The following TCF12 variants were observed in gnomAD, a reference collection of about 807,000 sequenced individuals.
TCF12 encodes the protein DNA-binding protein HTF4.
In TCF12, 45 loss-of-function variants were observed where a neutral mutation model predicts 86.0. That is an observed-to-expected ratio of 0.52 (90% CI 0.41 to 0.67). The LOEUF (loss-of-function observed/expected upper bound fraction) is 0.67, where lower values mean the gene tolerates loss of function less well. Ranked by LOEUF, TCF12 falls within the 30% of genes least tolerant of loss-of-function variation. The pLI is 0.00. For synonymous variants in TCF12, 330 were observed against 299.6 expected, an observed-to-expected ratio of 1.10 and a Z score of -1.05; for missense variants, 881 against 859.9, an observed-to-expected ratio of 1.02 and a Z score of -0.31.
intron 6 of TCF12, among the ~76,000 whole-genome samples, chr15:57,170,196 A>C (rs1301011077): frequency 1.3e-5 from 2 of 152,120 alleles, no homozygotes; most frequent in East Asian, 1.9e-4. Context: ...CAGCATAGGA[A>C]TCCATCAGAT....
chr15:57,246,672 C>T (rs187445737), intron 13 of TCF12, among the ~76,000 whole-genome samples: 4 of 151,928 alleles, frequency 2.6e-5, no homozygotes, highest in African/African-American at 7.3e-5. Context: ...AAGAAAAAGA[C>T]GAAGCTACAA....
intron 5 of TCF12, among the ~76,000 whole-genome samples, chr15:57,109,752 A>C (rs993359103): frequency 2.0e-5 from 3 of 152,188 alleles, no homozygotes; most frequent in Admixed American, 1.3e-4. Context: ...AAAATGTTAA[A>C]AGTTAAGGGA....
At chr15:57,266,085 TATTATTTA>T (rs200305329) in intron 18 of TCF12, among the ~76,000 whole-genome samples, 33,620 of 145,786 alleles carry the variant, frequency 0.23, 4,556 homozygotes, top group African/African-American at 0.38. Flanking sequence ...TTTTTGTTTT[TATTATTTA>T]TTTATTTATT....
intron 3 of TCF12, among the ~76,000 whole-genome samples, chr15:56,932,816 T>C (rs753121921): frequency 2.6e-5 from 4 of 152,178 alleles, no homozygotes; most frequent in Non-Finnish European, 4.4e-5. Context: ...CCCAAAGTGC[T>C]GGGATTATAG....
rs1567558710 is a variant in TCF12, at chr15:57,170,705, A to AATATATATATT, written c.390+4246_390+4247insTATTATATATA. ...ATTATATATAATATATATTATATAT[A>AATATATATATT]ATATATAATATATATATTATATATT... On this transcript the variant is annotated intron_variant, in intron 6 of 20. Coordinates refer to ENST00000333725, the MANE Select transcript of TCF12 (RefSeq NM_207037.2). Among the ~76,000 whole-genome samples the AATATATATATT allele has an allele frequency of 2.0e-3, 75 of 36,736 alleles. 1 individual carries two copies. Among genetic ancestry groups the AATATATATATT allele is most frequent in the South Asian group, 7.5e-3 (11 of 1,468 alleles). 24.1% of individuals were successfully genotyped at this position (36,736 alleles called of 152,430 possible). A position where few individuals can be genotyped will look rare whatever the true frequency, so the allele number is the denominator to read the frequency against.
chr15:57,203,612 G>C (rs1238967870), intron 8 of TCF12, among the ~76,000 whole-genome samples: 1 of 152,144 alleles, frequency 6.6e-6, no homozygotes, highest in Non-Finnish European at 1.5e-5. Context: ...AATGTAACTT[G>C]TTTGCAGTCC....
intron 3 of TCF12, among the ~76,000 whole-genome samples, chr15:57,040,923 A>G (rs2066857294): frequency 6.6e-6 from 1 of 152,212 alleles, no homozygotes; most frequent in African/African-American, 2.4e-5. Flanking sequence ...ATTTTTGTAC[A>G]TTTTAACATT....
chr15:56,981,179 C>G lies in TCF12; in HGVS notation c.148+60081C>G, dbSNP rs552351442. On this transcript the variant is annotated intron_variant, in intron 3 of 20. Transcript: ENST00000333725. ...TCTTTACTGAAAGTTTACTATATAT[C>G]TTGGTTTGTTATGTGCTGCTATAAC... is the stretch of plus-strand genomic sequence containing the variant. 2.0e-5 allele frequency among the ~76,000 whole-genome samples: 3 copies of G among 152,206 alleles called. No homozygotes were observed. In the South Asian group the frequency reaches 6.2e-4, roughly 32 times the overall value.
intron 16 of TCF12, among the ~76,000 whole-genome samples, chr15:57,261,585 C>G (rs2060586348): frequency 6.6e-6 from 1 of 152,136 alleles, no homozygotes; most frequent in Non-Finnish European, 1.5e-5. Flanking sequence ...GTTGACACGT[C>G]TGCTACTATT....
chr15:56,920,662 G>GT (rs1453542133), intron 2 of TCF12, among the ~76,000 whole-genome samples: 1 of 151,948 alleles, frequency 6.6e-6, no homozygotes, highest in Non-Finnish European at 1.5e-5. Flanking sequence ...AATCCTTACT[G>GT]TATGTAGTAA....
At chr15:57,046,824 G>A (rs2067262159) in intron 3 of TCF12, among the ~76,000 whole-genome samples, 1 of 152,098 alleles carries the variant, frequency 6.6e-6, no homozygotes, top group African/African-American at 2.4e-5. Flanking sequence ...TCACACTATC[G>A]ATAAATATCT....
intron 3 of TCF12, among the ~76,000 whole-genome samples, chr15:56,966,196 A>AT (rs1221855096): frequency 4.4e-4 from 66 of 151,278 alleles, no homozygotes; most frequent in Non-Finnish European, 9.0e-4. Context: ...TAGTTGCCCT[A>AT]TTTTTTTTGG....
At chr15:57,100,939 T>C (rs2049697762) in intron 5 of TCF12, among the ~76,000 whole-genome samples, 1 of 152,190 alleles carries the variant, frequency 6.6e-6, no homozygotes. Flanking sequence ...TCTTTAGTTA[T>C]ATAGGTTTTT....
At chr15:57,285,880 A>G (rs1471229619) in intron 20 of TCF12, among the ~76,000 whole-genome samples, 2 of 152,216 alleles carry the variant, frequency 1.3e-5, no homozygotes, top group Non-Finnish European at 2.9e-5. Flanking sequence ...TTGAGCCATG[A>G]TCATGCCACT....
chr15:57,224,539 T>C (rs1246448121), intron 8 of TCF12, among the ~76,000 whole-genome samples: 1 of 152,190 alleles, frequency 6.6e-6, no homozygotes, highest in African/African-American at 2.4e-5. Flanking sequence ...AATGTTCACC[T>C]GTGTTTGTTA....
rs1017032555 is a variant in TCF12, at chr15:57,253,274, G to A, written c.1273G>A (p.Glu425Lys). 6.2e-7 allele frequency: 1 copy of A among 1,613,918 alleles called. No homozygotes were observed. Among genetic ancestry groups the A allele is most frequent in the Non-Finnish European group, 8.5e-7 (1 of 1,179,912 alleles). Reference protein sequence around the residue: ...LKDVCEQSRMEDRLDRLDDAI... With the variant: ...LKDVCEQSRMKDRLDRLDDAI... ...TTAATCCATACAGCAGTCTCGAATG[G>A]AGGATCGTTTAGACAGACTGGATGA... is the stretch of plus-strand genomic sequence containing the variant. The change falls in exon 16 of 21, where the codon GAG becomes AAG. Residue 425 changes from glutamate to lysine, a missense_variant. This residue lies in a region of TCF12 where 766 missense variants were observed against 718.9 expected (regional missense o/e 1.07). Coordinates refer to ENST00000333725, the MANE Select transcript of TCF12 (RefSeq NM_207037.2).
intron 4 of TCF12, among the ~76,000 whole-genome samples, chr15:57,078,752 A>G (rs1461041860): frequency 6.6e-6 from 1 of 152,226 alleles, no homozygotes; most frequent in Non-Finnish European, 1.5e-5. Flanking sequence ...GAAGTATCAA[A>G]AAGCACACCT....
intron 3 of TCF12, among the ~76,000 whole-genome samples, chr15:56,967,193 T>A (rs1324963187): frequency 6.6e-6 from 1 of 152,088 alleles, no homozygotes; most frequent in Non-Finnish European, 1.5e-5. Flanking sequence ...TTGATGGTGA[T>A]TAGAAATATT....
At chr15:56,928,708 A>G (rs1595716359) in intron 3 of TCF12, among the ~76,000 whole-genome samples, 2 of 152,136 alleles carry the variant, frequency 1.3e-5, no homozygotes. Flanking sequence ...GAATGTGTAC[A>G]CCTTTTGAAA....
Sources: allele counts gnomAD v4.1 joint callset (sites outside exome capture counted in the v4.1 genomes callset), GRCh38; gene constraint gnomAD v4.1.1; regional missense constraint gnomAD v4.1.1; transcripts MANE v1.5; gene names NCBI Gene and HGNC (gene_info 2026-07-23, HGNC 2026-07-21).